DNAH5: variants seen among roughly 807,000 people sequenced by gnomAD.
DNAH5 encodes dynein axonemal heavy chain 5, also known as axonemal beta dynein heavy chain 5.
A neutral mutation model predicts 518.2 loss-of-function variants in DNAH5; 372 were observed. The observed-to-expected ratio is 0.72, with a 90% CI of 0.66 to 0.78. The LOEUF is 0.78. Ranked by LOEUF, DNAH5 falls within the 30% of genes least tolerant of loss-of-function variation. The pLI is 0.00. For synonymous variants in DNAH5, 2,039 were observed against 2,025.9 expected, an observed-to-expected ratio of 1.01 and a Z score of -0.17; for missense variants, 5,523 against 5,687.0, an observed-to-expected ratio of 0.97 and a Z score of 0.93.
At chr5:13,943,591 G>A (rs189070223) in intron 1 of DNAH5, among the ~76,000 whole-genome samples, 36 of 152,344 alleles carry the variant, frequency 2.4e-4, no homozygotes, top group African/African-American at 8.2e-4. Context: ...ACCTTGGGAA[G>A]GATGCATCAG....
Position 13,717,658 on chromosome 5 carries a change from A to G in DNAH5, c.12500-138T>C. On this transcript the variant is annotated intron_variant, in intron 72 of 78. Transcript: ENST00000265104. Reference sequence around the variant, plus strand: ...GGATTGTTTTTATGACACTCATGTGACAATAATAATTTAACTTTTGGGTGT... The same window carrying G: ...GGATTGTTTTTATGACACTCATGTGGCAATAATAATTTAACTTTTGGGTGT... 5.0e-6 allele frequency: 4 copies of G among 800,122 alleles called. 1 individual carries two copies. In the South Asian group the frequency reaches 6.2e-5, roughly 12 times the overall value. The allele number at this position is 800,122 out of a possible 1,614,324, so 49.6% of individuals were successfully genotyped here. A position where few individuals can be genotyped will look rare whatever the true frequency, so the allele number is the denominator to read the frequency against.
intron 1 of DNAH5, among the ~76,000 whole-genome samples, chr5:13,989,982 A>G (rs1338431522): frequency 6.6e-6 from 1 of 152,138 alleles, no homozygotes; most frequent in Non-Finnish European, 1.5e-5. Flanking sequence ...TACTATTACC[A>G]TCCCCATTTT....
chr5:13,818,297 A>T (rs1041220938), intron 41 of DNAH5, among the ~76,000 whole-genome samples: 85 of 152,258 alleles, frequency 5.6e-4, no homozygotes, highest in African/African-American at 2.0e-3. Flanking sequence ...TAAGGTTTAA[A>T]GTATAAAATT....
At chr5:13,769,229 C>T (rs1468860390) in intron 57 of DNAH5, 93 bp from the exon 58 acceptor site, 2 of 1,247,636 alleles carry the variant, frequency 1.6e-6, no homozygotes, top group South Asian at 1.3e-5. Context: ...TGATTTTGTT[C>T]ACTTACCCAG....
intron 41 of DNAH5, among the ~76,000 whole-genome samples, chr5:13,819,857 T>C (rs537440981): frequency 6.6e-6 from 1 of 152,206 alleles, no homozygotes; most frequent in Non-Finnish European, 1.5e-5. Context: ...CTTCGGCATA[T>C]AGAACATAAG....
rs191468315 is a variant in DNAH5 at position 13,848,907 on chromosome 5, T to C, written c.5114+1745A>G. ...ACAGGCCACAGACTGGTGCCGAGGTTTGGGGACCCCTGCTCTATAGCATAG... is the reference window on the plus strand; with the variant it reads ...ACAGGCCACAGACTGGTGCCGAGGTCTGGGGACCCCTGCTCTATAGCATAG... On this transcript the variant is annotated intron_variant, in intron 31 of 78. Transcript: ENST00000265104. Among the ~76,000 whole-genome samples, 95 of 152,302 alleles carry C rather than the reference T, an allele frequency of 6.2e-4. 1 individual carries two copies. The South Asian group carries it at 0.016, about 26-fold the overall frequency.
intron 35 of DNAH5, among the ~76,000 whole-genome samples, chr5:13,833,353 C>T (rs1209444420): frequency 5.3e-5 from 8 of 150,540 alleles, no homozygotes; most frequent in Non-Finnish European, 1.0e-4. Context: ...GCAGGAGAAC[C>T]ACTTGAACCT....
chr5:13,697,839 T>G (rs1741576082), intron 78 of DNAH5, among the ~76,000 whole-genome samples: 1 of 152,216 alleles, frequency 6.6e-6, no homozygotes, highest in African/African-American at 2.4e-5. Flanking sequence ...TTCTATCACT[T>G]GGATCTCAGC....
intron 78 of DNAH5, among the ~76,000 whole-genome samples, chr5:13,693,691 C>G (rs1740995466): frequency 6.6e-6 from 1 of 152,072 alleles, no homozygotes; most frequent in Admixed American, 6.6e-5. Flanking sequence ...GGACAGCTCC[C>G]CCAAAACAAA....
Position 13,902,045 on chromosome 5 carries a change from A to G in DNAH5, c.1730+8T>C. 1 of 1,570,188 alleles carries G rather than the reference A, an allele frequency of 6.4e-7. No individual in the cohort carries two copies. Among genetic ancestry groups the G allele is most frequent in the East Asian group, 2.3e-5 (1 of 44,202 alleles). ...TTTAGAAAATAGACAATTTCTTGAA[A>G]ATTTTACCTTTCAAATTTCTTCAAC... On this transcript the variant is annotated splice_region_variant and intron_variant, in intron 13 of 78. Transcript: ENST00000265104.
rs1166492601 is a variant in DNAH5, at chr5:13,707,730, C to A, written c.13338+393G>T. On this transcript the variant is annotated intron_variant, in intron 76 of 78. Transcript: ENST00000265104. The surrounding 1 kb of genome is among the most constrained non-coding windows in gnomAD (Gnocchi z 4.0). ...TGTGACTTTTGATGTTAGGGTGAGG[C>A]ATGTTTCCTTCTATGAAACCAACAT... Among the ~76,000 whole-genome samples the A allele has an allele frequency of 6.6e-6, 1 of 151,946 alleles. No individual in the cohort carries two copies. Among genetic ancestry groups the A allele is most frequent in the Admixed American group, 6.6e-5 (1 of 15,258 alleles).
rs987990265 is a variant in DNAH5, at chr5:13,883,026, T to C, written c.3052A>G (p.Ile1018Val). 1.2e-6 allele frequency: 2 copies of C among 1,614,074 alleles called. No individual in the cohort carries two copies. Among genetic ancestry groups the C allele is most frequent in the Non-Finnish European group, 8.5e-7 (1 of 1,180,032 alleles). Residue 1018 changes from isoleucine (I) to valine (V), a missense_variant, in exon 20 of 79, where the codon ATT becomes GTT. Around this residue, in one of 3 missense-constraint regions of DNAH5, gnomAD observed 5,121 missense variants for 5,223.3 expected, o/e 0.98. Coordinates refer to ENST00000265104, the MANE Select transcript of DNAH5 (RefSeq NM_001369.3). ...GCAGGGGCCATGACGATGTTGGGAA[T>C]GGCCAGAGTGACGCTTGCCCGGAAA... Reference protein sequence around the residue: ...PIFRASVTLAIPNIVMAPALE... With the variant: ...PIFRASVTLAVPNIVMAPALE...
intron 21 of DNAH5, among the ~76,000 whole-genome samples, chr5:13,878,690 G>C (rs1771234795): frequency 1.3e-5 from 2 of 152,204 alleles, no homozygotes; most frequent in Admixed American, 1.3e-4. Context: ...GAGTCAGTGG[G>C]TCTTTGCACT....
intron 38 of DNAH5, among the ~76,000 whole-genome samples, chr5:13,826,068 T>C (rs1024053034): frequency 3.3e-5 from 5 of 152,228 alleles, no homozygotes; most frequent in Non-Finnish European, 5.9e-5. Flanking sequence ...AAAGTAACAA[T>C]GACTTAAAAG....
chr5:14,007,218 T>C (rs576416401), intron 1 of DNAH5, among the ~76,000 whole-genome samples: 125 of 152,370 alleles, frequency 8.2e-4, no homozygotes, highest in Non-Finnish European at 1.5e-3. Flanking sequence ...CCCAGTTCTT[T>C]GTAATGAACA....
At chr5:13,721,269 A>T in intron 70 of DNAH5, 24 bp from the exon 71 acceptor site, 1 of 1,613,870 alleles carries the variant, frequency 6.2e-7, no homozygotes, top group Non-Finnish European at 8.5e-7. Flanking sequence ...TATACAAGTC[A>T]GTAAAAGTCA....
In DNAH5 at chr5:13,701,217, T is replaced by C. The variant is rs201809054; in HGVS notation, c.13491+67A>G. On this transcript the variant is annotated intron_variant, in intron 77 of 78. Coordinates refer to ENST00000265104, the MANE Select transcript of DNAH5 (RefSeq NM_001369.3). ...TCTGTCTTATTATAGTCTTTAAAAC[T>C]ATAATGATGGAAAATCCTGTGGAGG... 876 of 1,601,046 alleles carry C rather than the reference T, an allele frequency of 5.5e-4. 1 individual carries two copies. Among genetic ancestry groups the C allele is most frequent in the Middle Eastern group, 2.6e-3 (16 of 6,050 alleles).
upstream of DNAH5, among the ~76,000 whole-genome samples, chr5:13,947,670 A>G (rs2152032795): frequency 6.6e-6 from 1 of 152,312 alleles, no homozygotes; most frequent in East Asian, 1.9e-4. Flanking sequence ...ATGTCCTAGC[A>G]AAAGAGTGGA....
intron 75 of DNAH5, among the ~76,000 whole-genome samples, chr5:13,713,348 CAT>C (rs1238715182): frequency 7.9e-5 from 11 of 139,648 alleles, no homozygotes; most frequent in South Asian, 2.2e-4. Context: ...TATATACCGA[CAT>C]ATATATACTG....
Sources: gnomAD v4.1 joint callset for allele counts (sites outside exome capture counted in the v4.1 genomes callset) on GRCh38, gnomAD v4.1.1 for gene constraint, gnomAD v4.1.1 regional missense constraint, Gnocchi (gnomAD v3.1) non-coding constraint, MANE v1.5 for transcripts, NCBI Gene and HGNC (gene_info 2026-07-23, HGNC 2026-07-21) for gene names.